The following KCNT2 variants were observed in gnomAD, a reference collection of about 807,000 sequenced individuals.
KCNT2 encodes potassium sodium-activated channel subfamily T member 2, also known as potassium channel subfamily T member 2.
Under a neutral mutation model 153.8 loss-of-function variants are expected in KCNT2, and 67 were observed. The ratio of observed to expected loss-of-function variants is 0.44; its 90% CI spans 0.36 to 0.53. KCNT2 has a LOEUF of 0.53. Among genes scored for constraint, KCNT2 ranks in the 20% least tolerant of loss-of-function variants. The pLI, the probability that KCNT2 is intolerant of heterozygous loss-of-function variation, is 0.00. For synonymous variants in KCNT2, 500 were observed against 458.8 expected (o/e 1.09, Z -1.15); for missense variants, 975 against 1,354.8 (o/e 0.72, Z 4.40).
At chr1:196,439,024 C>T (rs1462656033) in intron 8 of KCNT2, among the ~76,000 whole-genome samples, 8 of 151,580 alleles carry the variant, frequency 5.3e-5, no homozygotes, top group Non-Finnish European at 7.4e-5. Flanking sequence ...AGTTTATGCA[C>T]TTTAGGAAGC....
rs1553254667 is a variant in KCNT2, at chr1:196,560,693, GT to G, written c.95+47521del. Reference sequence around the variant, plus strand: ...TGACTTCCTGTAATAATGATATGATGTTTTTTCTTCCCCCCTCTGGATAAAA... The same window carrying G: ...TGACTTCCTGTAATAATGATATGATGTTTTTCTTCCCCCCTCTGGATAAAA... On this transcript the variant is annotated intron_variant, in intron 1 of 27. Coordinates refer to ENST00000294725, the MANE Select transcript of KCNT2 (RefSeq NM_198503.5). Among the ~76,000 whole-genome samples the G allele has an allele frequency of 5.4e-5, 6 of 110,112 alleles. No individual in the cohort carries two copies. The East Asian group carries it at 1.9e-3, about 34-fold the overall frequency. 72.2% of individuals were successfully genotyped at this position (110,112 alleles called of 152,430 possible).
At chr1:196,526,015 C>CTGTGTGTGTGTGTG (rs369541629) in intron 1 of KCNT2, among the ~76,000 whole-genome samples, 4 of 140,148 alleles carry the variant, frequency 2.9e-5, no homozygotes, top group Admixed American at 1.5e-4. Flanking sequence ...AGAACTGACT[C>CTGTGTGTGTGTGTG]TGTGTGTGTG....
chr1:196,373,879 G>A (rs1227368150), intron 13 of KCNT2, among the ~76,000 whole-genome samples: 1 of 151,736 alleles, frequency 6.6e-6, no homozygotes, highest in South Asian at 2.1e-4. Flanking sequence ...AAGATGATAG[G>A]GTCCAACCAG....
At chr1:196,290,226 T>C (rs1273170047) in intron 22 of KCNT2, among the ~76,000 whole-genome samples, 1 of 152,108 alleles carries the variant, frequency 6.6e-6, no homozygotes, top group Non-Finnish European at 1.5e-5. Flanking sequence ...TAGTGGTTTT[T>C]GTCAGCATTC....
chr1:196,583,718 A>G (rs1473405900), intron 1 of KCNT2, among the ~76,000 whole-genome samples: 1 of 152,086 alleles, frequency 6.6e-6, no homozygotes, highest in East Asian at 1.9e-4. Flanking sequence ...AATCAGAAAA[A>G]AAAAATTGTT....
At chr1:196,577,094 G>A (rs1661460839) in intron 1 of KCNT2, among the ~76,000 whole-genome samples, 1 of 151,948 alleles carries the variant, frequency 6.6e-6, no homozygotes, top group Non-Finnish European at 1.5e-5. Context: ...ATGAAAATAT[G>A]GTATTCTGTA....
intron 19 of KCNT2, among the ~76,000 whole-genome samples, chr1:196,326,423 G>T (rs1213588469): frequency 2.0e-5 from 3 of 152,034 alleles, no homozygotes; most frequent in Non-Finnish European, 1.5e-5. Flanking sequence ...AAGGAAAATT[G>T]CAGTAATTAT....
intron 1 of KCNT2, among the ~76,000 whole-genome samples, chr1:196,503,072 A>T (rs1266180108): frequency 6.6e-6 from 1 of 152,046 alleles, no homozygotes; most frequent in African/African-American, 2.4e-5. Context: ...TAAATGTGTA[A>T]TAAAGAGCAG....
intron 1 of KCNT2, among the ~76,000 whole-genome samples, chr1:196,596,787 G>A (rs937651432): frequency 3.9e-5 from 6 of 151,924 alleles, no homozygotes; most frequent in South Asian, 2.1e-4. Flanking sequence ...CCGCAGCCTC[G>A]ACCTCCCAAG....
chr1:196,325,257 C>CT (rs1261462790), intron 19 of KCNT2, among the ~76,000 whole-genome samples: 1 of 152,108 alleles, frequency 6.6e-6, no homozygotes, highest in Non-Finnish European at 1.5e-5. Flanking sequence ...CACAGTTCCA[C>CT]TTTTTTCTCA....
At chr1:196,321,811 A>T (rs977854277) in intron 19 of KCNT2, among the ~76,000 whole-genome samples, 1 of 151,992 alleles carries the variant, frequency 6.6e-6, no homozygotes, top group African/African-American at 2.4e-5. Flanking sequence ...AGGAAATCTG[A>T]AACATAAAGA....
At chr1:196,404,552 C>T (rs965773566) in intron 12 of KCNT2, among the ~76,000 whole-genome samples, 1 of 151,544 alleles carries the variant, frequency 6.6e-6, no homozygotes, top group African/African-American at 2.4e-5. Flanking sequence ...GGACCATTTG[C>T]CAAGAACATT....
chr1:196,590,998 G>T (rs1663274413), intron 1 of KCNT2, among the ~76,000 whole-genome samples: 1 of 152,066 alleles, frequency 6.6e-6, no homozygotes, highest in Non-Finnish European at 1.5e-5. Flanking sequence ...ATAGTGGCAT[G>T]CACCTGTACT....
At chr1:196,237,123 T>A (rs956808168) in intron 26 of KCNT2, among the ~76,000 whole-genome samples, 12 of 151,650 alleles carry the variant, frequency 7.9e-5, no homozygotes, top group South Asian at 2.1e-4. Flanking sequence ...ATTTAGTGCA[T>A]ACTCAAATAA....
chr1:196,458,269 T>C (rs573949669), intron 8 of KCNT2, among the ~76,000 whole-genome samples: 3 of 151,896 alleles, frequency 2.0e-5, no homozygotes, highest in Admixed American at 6.6e-5. Flanking sequence ...TTAAATAAAT[T>C]ATGTTTTGTA....
chr1:196,412,621 AAC>A (rs1219513122), intron 12 of KCNT2, among the ~76,000 whole-genome samples: 4 of 151,628 alleles, frequency 2.6e-5, no homozygotes, highest in African/African-American at 9.7e-5. Context: ...CTCTACAAAT[AAC>A]AGTTAGCAGC....
intron 25 of KCNT2, among the ~76,000 whole-genome samples, chr1:196,265,707 T>G (rs1205464571): frequency 6.6e-6 from 1 of 152,172 alleles, no homozygotes; most frequent in Non-Finnish European, 1.5e-5. Context: ...TAAAAGGAGA[T>G]AGCTCATGTG....
intron 25 of KCNT2, among the ~76,000 whole-genome samples, chr1:196,275,059 A>C (rs1014622377): frequency 2.0e-5 from 3 of 151,968 alleles, no homozygotes; most frequent in African/African-American, 7.2e-5. Context: ...CAATGGAATA[A>C]GTAAACATTA....
intron 27 of KCNT2, among the ~76,000 whole-genome samples, chr1:196,232,560 T>C (rs918222089): frequency 5.3e-5 from 8 of 151,648 alleles, no homozygotes; most frequent in African/African-American, 1.9e-4. Flanking sequence ...ATGCCACAAA[T>C]ACAGATCACT....
Sources: allele counts gnomAD v4.1 joint callset (sites outside exome capture counted in the v4.1 genomes callset), GRCh38; gene constraint gnomAD v4.1.1; transcripts MANE v1.5; gene names NCBI Gene and HGNC (gene_info 2026-07-23, HGNC 2026-07-21).